USP25: variants seen among roughly 807,000 people sequenced by gnomAD.
The protein encoded by USP25 is ubiquitin carboxyl-terminal hydrolase 25.
USP25 carries 85 observed loss-of-function variants against 158.5 expected under a neutral mutation model. The ratio of observed to expected loss-of-function variants is 0.54; its 90% confidence interval spans 0.45 to 0.64. The LOEUF is 0.64. USP25 is among the 30% of genes least tolerant of loss of function. USP25 has a pLI of 0.00. For missense variants in USP25, 1,242 were observed against 1,327.3 expected (o/e 0.94, Z 1.00); for synonymous variants, 464 against 460.4 (o/e 1.01, Z -0.10).
chr21:15,789,966 GTTA>G (rs747380077), intron 4 of USP25, among the ~76,000 whole-genome samples: 14 of 151,930 alleles, frequency 9.2e-5, no homozygotes, highest in Admixed American at 3.9e-4. Flanking sequence ...GTTTGTTCAG[GTTA>G]TTATTATTCT....
At chr21:15,787,291 G>A (rs1187122229) in intron 4 of USP25, among the ~76,000 whole-genome samples, 1 of 152,056 alleles carries the variant, frequency 6.6e-6, no homozygotes, top group Non-Finnish European at 1.5e-5. Flanking sequence ...AGCCCAAATA[G>A]CCAAAGCAAG....
chr21:15,771,811 A>G (rs2034373264), intron 3 of USP25, among the ~76,000 whole-genome samples: 1 of 151,968 alleles, frequency 6.6e-6, no homozygotes, highest in African/African-American at 2.4e-5. Context: ...TCTTATTGCA[A>G]CGCTTCTCAA....
chr21:15,824,451 TTG>T (rs1202051990), intron 11 of USP25, among the ~76,000 whole-genome samples: 1 of 152,208 alleles, frequency 6.6e-6, no homozygotes, highest in African/African-American at 2.4e-5. Flanking sequence ...TTATACAATT[TTG>T]AATGAATTGA....
chr21:15,763,011 C>A (rs779831020), intron 2 of USP25, 43 bp downstream of exon 2: 7 of 1,536,354 alleles, frequency 4.6e-6, no homozygotes, highest in South Asian at 2.4e-5. Context: ...GGTATATGCT[C>A]ATCTCTAGTG....
At chr21:15,740,929 G>A (rs1325762547) in intron 1 of USP25, among the ~76,000 whole-genome samples, 1 of 149,230 alleles carries the variant, frequency 6.7e-6, no homozygotes. Flanking sequence ...TAATGTTATC[G>A]TGGTATGATT....
intron 1 of USP25, among the ~76,000 whole-genome samples, chr21:15,741,354 T>C (rs778968069): frequency 6.6e-6 from 1 of 152,098 alleles, no homozygotes; most frequent in African/African-American, 2.4e-5. Flanking sequence ...AAGCAGGTCT[T>C]TGAGACGTAT....
intron 1 of USP25, among the ~76,000 whole-genome samples, chr21:15,742,788 T>TA (rs972436495): frequency 1.1e-4 from 16 of 152,214 alleles, no homozygotes; most frequent in Non-Finnish European, 1.8e-4. Context: ...AGGCTTTGCT[T>TA]ACACTCACTG....
At chr21:15,854,273 G>A (rs1010982994) in intron 20 of USP25, among the ~76,000 whole-genome samples, 2 of 152,064 alleles carry the variant, frequency 1.3e-5, no homozygotes, top group Non-Finnish European at 2.9e-5. Flanking sequence ...AGCCTCCTGA[G>A]TAGCTGAGAC....
chr21:15,848,106 A>G (rs1465074084), intron 19 of USP25, among the ~76,000 whole-genome samples: 1 of 152,162 alleles, frequency 6.6e-6, no homozygotes, highest in Admixed American at 6.6e-5. Flanking sequence ...ATTTAAAAAT[A>G]ATTTTTTATA....
chr21:15,864,028 C>T (rs1202977320), intron 20 of USP25, among the ~76,000 whole-genome samples: 1 of 122,664 alleles, frequency 8.2e-6, no homozygotes, highest in Non-Finnish European at 1.7e-5. Flanking sequence ...GAGTGGGAGA[C>T]TTCTTTTTTT....
In USP25 at chr21:15,766,831, T is replaced by C. The variant is rs1368650687; in HGVS notation, c.268+690T>C. Among the ~76,000 whole-genome samples the C allele has an allele frequency of 6.6e-6, 1 of 152,090 alleles. No homozygotes were observed. Among genetic ancestry groups the C allele is most frequent in the Non-Finnish European group, 1.5e-5 (1 of 67,976 alleles). ...CATAAAAATAGTTACTTTTATGCCTTATGGATTTGCAAAGTTTGATTATTA... is the reference window on the plus strand; with the variant it reads ...CATAAAAATAGTTACTTTTATGCCTCATGGATTTGCAAAGTTTGATTATTA... On this transcript the variant is annotated intron_variant, in intron 3 of 25. Transcript: ENST00000400183. The surrounding 1 kb of genome is among the most constrained non-coding windows in gnomAD (Gnocchi z 4.0).
At chr21:15,780,279 A>C (rs1188104265) in intron 4 of USP25, among the ~76,000 whole-genome samples, 1 of 152,154 alleles carries the variant, frequency 6.6e-6, no homozygotes, top group Non-Finnish European at 1.5e-5. Context: ...ACGTCTTAGA[A>C]TCCTGTGTTT....
chr21:15,779,514 G>A (rs1459754452), intron 4 of USP25, among the ~76,000 whole-genome samples: 1 of 151,574 alleles, frequency 6.6e-6, no homozygotes, highest in South Asian at 2.1e-4. Context: ...ATATATGTGA[G>A]CTTATATACC....
Position 15,799,760 on chromosome 21 carries a change from T to C in USP25, c.559T>C (p.Leu187=), listed in dbSNP as rs1249396808. The C allele has an allele frequency of 3.2e-6, 5 of 1,585,892 alleles. No individual in the cohort carries two copies. The South Asian group carries it at 5.7e-5, about 18-fold the overall frequency. The part of the protein sequence containing the change: ...TCWFSAVIQS[L]FNLLEFRRLV... ...TTAAATTGTTGTTCTTTTTCAGTCA[T>C]TATTTAATCTTTTGGAATTTAGAAG... Residue 187 remains leucine, a synonymous_variant, in exon 6 of 26, where the codon TTA becomes CTA. Transcript: ENST00000400183.
At chr21:15,789,787 A>G (rs563860513) in intron 4 of USP25, among the ~76,000 whole-genome samples, 7 of 152,212 alleles carry the variant, frequency 4.6e-5, no homozygotes, top group African/African-American at 1.7e-4. Flanking sequence ...ATATACATAT[A>G]TATTACAAAA....
At chr21:15,785,998 A>G (rs2035250249) in intron 4 of USP25, among the ~76,000 whole-genome samples, 1 of 152,172 alleles carries the variant, frequency 6.6e-6, no homozygotes, top group Admixed American at 6.5e-5. Context: ...TTGGAGGATC[A>G]CAAGAGACTA....
chr21:15,866,223 A>C (rs760481411), intron 21 of USP25, 43 bp from the exon 22 acceptor site: 2 of 1,271,748 alleles, frequency 1.6e-6, no homozygotes, highest in Non-Finnish European at 2.1e-6. Flanking sequence ...ATATATATAC[A>C]CACACATACA....
At chr21:15,733,834 T>G (rs925022349) in intron 1 of USP25, among the ~76,000 whole-genome samples, 2 of 151,976 alleles carry the variant, frequency 1.3e-5, no homozygotes, top group African/African-American at 2.4e-5. Flanking sequence ...AGAGCAAGAC[T>G]CCATGTCAAA....
rs2037373010 is a variant in USP25 at position 15,824,155 on chromosome 21, A to G, written c.1197A>G (p.Leu399=). Residue 399 remains leucine (L), a synonymous_variant, in exon 11 of 26, where the codon TTA becomes TTG. Transcript: ENST00000400183. Reference sequence around the variant, plus strand: ...ACAAATTAGAATTTCCCCAAGTTTTATATTTGGACAGGTATGGTTTGATAT... The same window carrying G: ...ACAAATTAGAATTTCCCCAAGTTTTGTATTTGGACAGGTATGGTTTGATAT... ...IHNKLEFPQV[L]YLDRYMHRNR... is the part of the protein sequence containing the mutation. 6.2e-7 allele frequency: 1 copy of G among 1,612,518 alleles called. No homozygotes were observed. The highest frequency in any genetic ancestry group is 2.2e-5 in the East Asian group (1 of 44,802).
Sources: allele counts gnomAD v4.1 joint callset (sites outside exome capture counted in the v4.1 genomes callset), GRCh38; gene constraint gnomAD v4.1.1; non-coding constraint Gnocchi (gnomAD v3.1); transcripts MANE v1.5; gene names NCBI Gene and HGNC (gene_info 2026-07-23, HGNC 2026-07-21).